Variants in UQCC1 observed in about 807,000 individuals in gnomAD.
UQCC1 encodes the protein ubiquinol-cytochrome c reductase complex assembly factor 1.
UQCC1 carries 38 observed loss-of-function variants against 48.0 expected under a neutral mutation model. That is an observed-to-expected ratio of 0.79 (90% confidence interval 0.61 to 1.04). The LOEUF (loss-of-function observed/expected upper bound fraction) is 1.04, where lower values mean the gene tolerates loss of function less well. Ranked by LOEUF, UQCC1 falls within the 50% of genes least tolerant of loss-of-function variation. The probability of loss-of-function intolerance (pLI) is 0.00; values close to 1 mark genes in which losing one functional copy is unlikely to be tolerated. For synonymous variants in UQCC1, 111 were observed against 129.2 expected (o/e 0.86, Z 0.95); for missense variants, 368 against 381.8 (o/e 0.96, Z 0.30).
At chr20:35,309,503 G>A (rs894042332) in intron 8 of UQCC1, among the ~76,000 whole-genome samples, 3 of 152,080 alleles carry the variant, frequency 2.0e-5, no homozygotes, top group African/African-American at 7.2e-5. Context: ...CACACTGCTA[G>A]TGTAAGGCAG....
chr20:35,363,028 T>TAAAAAAAA (rs60988214), intron 6 of UQCC1, among the ~76,000 whole-genome samples: 97 of 78,872 alleles, frequency 1.2e-3, no homozygotes, highest in East Asian at 2.2e-3. Context: ...TCCTTAAAAC[T>TAAAAAAAA]AAAAAAAAAA....
chr20:35,324,986 G>A (rs1037165599), intron 7 of UQCC1, among the ~76,000 whole-genome samples: 1 of 152,088 alleles, frequency 6.6e-6, no homozygotes, highest in Non-Finnish European at 1.5e-5. Flanking sequence ...ACATACCAAG[G>A]GATATTATTC....
At chr20:35,384,574 C>T (rs148810684) in intron 2 of UQCC1, 3 of 432,936 alleles carry the variant, frequency 6.9e-6, no homozygotes, top group East Asian at 7.3e-5. Flanking sequence ...CCCAGAAGAT[C>T]GAGGCTGCAG....
At chr20:35,348,779 G>A (rs1287391084) in intron 6 of UQCC1, among the ~76,000 whole-genome samples, 3 of 152,124 alleles carry the variant, frequency 2.0e-5, no homozygotes, top group Non-Finnish European at 4.4e-5. Context: ...TCAGCCTCCT[G>A]TGTAGCTGAG....
At chr20:35,315,668 C>T (rs762904399) in intron 7 of UQCC1, among the ~76,000 whole-genome samples, 5 of 152,168 alleles carry the variant, frequency 3.3e-5, no homozygotes, top group East Asian at 3.9e-4. Flanking sequence ...GCAGGCAGAT[C>T]GCTTGAGCCC....
At chr20:35,401,189 T>C (rs1481567415) in intron 1 of UQCC1, among the ~76,000 whole-genome samples, 1 of 152,210 alleles carries the variant, frequency 6.6e-6, no homozygotes, top group African/African-American at 2.4e-5. Context: ...AAAGACACCC[T>C]ATTTAATATA....
At chr20:35,382,426 C>T (rs575094356) in intron 3 of UQCC1, among the ~76,000 whole-genome samples, 24 of 151,932 alleles carry the variant, frequency 1.6e-4, no homozygotes, top group Admixed American at 4.6e-4. Context: ...CAGGTGTGAG[C>T]CACCATGCTT....
At position 35,306,713 on chromosome 20, in the gene UQCC1, C is replaced by G. The variant is rs367862000; in HGVS notation, c.718G>C (p.Glu240Gln). 1.2e-6 allele frequency: 2 copies of G among 1,613,852 alleles called. No individual in the cohort carries two copies. Among genetic ancestry groups the G allele is most frequent in the African/African-American group, 2.7e-5 (2 of 74,924 alleles). ...LWRTFFNRKCEDPRHLELLVE... is the reference protein window; with the variant it reads ...LWRTFFNRKCQDPRHLELLVE... ...AGCAATTCAAGATGTCGAGGGTCTT[C>G]ACATTTCCGGTTGAAGAAGGTTCTC... The change falls in exon 9 of 10, where the codon GAA (glutamate) becomes CAA (glutamine). Residue 240 changes from glutamate (E) to glutamine (Q), a missense_variant. By Grantham distance (29) the Glu-to-Gln change is conservative. Transcript: ENST00000374385.
chr20:35,305,142 C>T (rs939896090), intron 9 of UQCC1, among the ~76,000 whole-genome samples: 1 of 152,224 alleles, frequency 6.6e-6, no homozygotes, highest in East Asian at 1.9e-4. Context: ...CAGGGTTAGC[C>T]GTGTGCCTGG....
chr20:35,370,447 A>T (rs1198479711), intron 5 of UQCC1, among the ~76,000 whole-genome samples: 1 of 152,162 alleles, frequency 6.6e-6, no homozygotes, highest in Non-Finnish European at 1.5e-5. Context: ...TTCTGCATCC[A>T]GAAGGTATAT....
chr20:35,374,312 C>A, intron 4 of UQCC1, 56 bp from the exon 5 acceptor site: 1 of 1,334,324 alleles, frequency 7.5e-7, no homozygotes. Context: ...TGTTCTACTT[C>A]CATTAGACAT....
intron 1 of UQCC1, among the ~76,000 whole-genome samples, chr20:35,411,533 G>A (rs1039044105): frequency 6.6e-6 from 1 of 152,122 alleles, no homozygotes; most frequent in African/African-American, 2.4e-5. Flanking sequence ...AAATGTCCTC[G>A]TTTTTCACAT....
intron 7 of UQCC1, among the ~76,000 whole-genome samples, chr20:35,323,694 G>A (rs995488674): frequency 6.6e-6 from 1 of 152,234 alleles, no homozygotes; most frequent in Non-Finnish European, 1.5e-5. Context: ...GAAACACCCA[G>A]AGGCTATTCC....
chr20:35,396,452 G>A (rs1473092075), intron 1 of UQCC1, among the ~76,000 whole-genome samples: 2 of 151,814 alleles, frequency 1.3e-5, no homozygotes, highest in Admixed American at 1.3e-4. Flanking sequence ...GGGACTAAAG[G>A]CTTGCATAGC....
chr20:35,317,688 G>A (rs1398696698), intron 7 of UQCC1, among the ~76,000 whole-genome samples: 1 of 152,168 alleles, frequency 6.6e-6, no homozygotes, highest in Non-Finnish European at 1.5e-5. Context: ...ATTAATCTCG[G>A]CACCCCCATC....
intron 7 of UQCC1, among the ~76,000 whole-genome samples, chr20:35,341,264 CATAAT>C (rs2061375877): frequency 6.9e-6 from 1 of 145,932 alleles, no homozygotes. Flanking sequence ...AGAAAATAAA[CATAAT>C]ATACCCTATG....
intron 9 of UQCC1, among the ~76,000 whole-genome samples, chr20:35,305,439 A>C (rs2060917665): frequency 6.6e-6 from 1 of 152,254 alleles, no homozygotes; most frequent in African/African-American, 2.4e-5. Flanking sequence ...GCACAAGCCC[A>C]CCATGGCAGA....
At chr20:35,368,972 T>C (rs772899464) in intron 5 of UQCC1, among the ~76,000 whole-genome samples, 32 of 152,318 alleles carry the variant, frequency 2.1e-4, no homozygotes, top group Non-Finnish European at 4.1e-4. Flanking sequence ...CTTTTTTGGA[T>C]GCTAGAACAA....
intron 6 of UQCC1, among the ~76,000 whole-genome samples, chr20:35,356,773 T>C (rs1486384715): frequency 6.6e-6 from 1 of 152,218 alleles, no homozygotes; most frequent in Non-Finnish European, 1.5e-5. Flanking sequence ...CCAGGATCTA[T>C]TGACCCTATT....
Sources: allele counts gnomAD v4.1 joint callset (sites outside exome capture counted in the v4.1 genomes callset), GRCh38; gene constraint gnomAD v4.1.1; transcripts MANE v1.5; gene names NCBI Gene and HGNC (gene_info 2026-07-23, HGNC 2026-07-21).